The following ANKRD27 variants were observed in gnomAD, a reference collection of about 807,000 sequenced individuals.
ANKRD27 encodes the protein ankyrin repeat domain 27, also known as ankyrin repeat domain-containing protein 27.
Under a neutral mutation model 129.7 loss-of-function variants are expected in ANKRD27, and 112 were observed. That is an observed-to-expected ratio of 0.86 (90% CI 0.74 to 1.01). The LOEUF (loss-of-function observed/expected upper bound fraction) is 1.01. Among genes scored for constraint, ANKRD27 ranks in the 50% least tolerant of loss-of-function variants. The pLI, the probability that ANKRD27 is intolerant of heterozygous loss-of-function variation, is 0.00. For synonymous variants in ANKRD27, 516 were observed against 511.2 expected, an observed-to-expected ratio of 1.01 and a Z score of -0.13; for missense variants, 1,258 against 1,300.5, an observed-to-expected ratio of 0.97 and a Z score of 0.50.
chr19:32,646,636 A>G, intron 3 of ANKRD27, 21 bp from the exon 4 acceptor site: 1 of 1,608,804 alleles, frequency 6.2e-7, no homozygotes, highest in South Asian at 1.1e-5. Context: ...GAAAGCCATC[A>G]CTGCACCAGC....
chr19:32,611,307 G>C (rs1232373058), intron 22 of ANKRD27, among the ~76,000 whole-genome samples: 1 of 152,160 alleles, frequency 6.6e-6, no homozygotes, highest in African/African-American at 2.4e-5. Context: ...CCAGATGCTA[G>C]GGAACACCAT....
At position 32,641,995 on chromosome 19, in the gene ANKRD27, C is replaced by T. The variant is rs1460820125; in HGVS notation, c.904+29G>A. The T allele has an allele frequency of 3.2e-6, 5 of 1,542,908 alleles. No homozygotes were observed. In the South Asian group the frequency reaches 6.1e-5, roughly 19 times the overall value. On this transcript the variant is annotated intron_variant, in intron 10 of 28. Transcript: ENST00000306065. ...TTTCATCTGGATGTAGCATCTACCC[C>T]TTGGCCAGTCCCCTTTCCAAGCACA...
At chr19:32,606,255 T>G (rs979557108) in intron 23 of ANKRD27, among the ~76,000 whole-genome samples, 10 of 151,186 alleles carry the variant, frequency 6.6e-5, no homozygotes, top group Non-Finnish European at 1.3e-4. Context: ...CAGGTTCAAC[T>G]GATTCTCACG....
chr19:32,604,466 C>A, intron 24 of ANKRD27, 42 bp from the exon 25 acceptor site: 1 of 1,551,206 alleles, frequency 6.4e-7, no homozygotes, highest in Non-Finnish European at 8.8e-7. Context: ...CGCTACGAAA[C>A]GTCAGCATGG....
In ANKRD27 at chr19:32,626,752, G is replaced by A. The variant is rs201471927; in HGVS notation, c.1496C>T (p.Pro499Leu). 162 of 1,612,304 alleles carry A rather than the reference G, an allele frequency of 1.0e-4. No homozygotes were observed. The highest frequency in any genetic ancestry group is 1.2e-4 in the Admixed American group (7 of 59,764). The change falls in exon 16 of 29, where the codon CCG becomes CTG. Residue 499 changes from proline to leucine, a missense_variant. Physicochemically the swap from Pro to Leu is moderately conservative, Grantham distance 98 (BLOSUM62 -3). Coordinates refer to ENST00000306065, the MANE Select transcript of ANKRD27 (RefSeq NM_032139.3). ...VNATDYHGAT[P>L]LHLACQKGYQ... is the part of the protein sequence containing the mutation. ...GCCCTTCTGACAGGCCAGGTGGAGCGGAGTGGCTCCATGGTAGTCTGTGGC... is the reference window on the plus strand; with the variant it reads ...GCCCTTCTGACAGGCCAGGTGGAGCAGAGTGGCTCCATGGTAGTCTGTGGC...
chr19:32,653,890 T>C (rs1366036273), intron 2 of ANKRD27, among the ~76,000 whole-genome samples: 1 of 151,942 alleles, frequency 6.6e-6, no homozygotes. Flanking sequence ...GGGAGACACA[T>C]GGTTTTTTTT....
intron 9 of ANKRD27, 52 bp from the exon 10 acceptor site, chr19:32,642,197 C>G: frequency 6.7e-7 from 1 of 1,500,476 alleles, no homozygotes; most frequent in Non-Finnish European, 9.0e-7. Context: ...AGAGAACCCT[C>G]TGGCCTGGAT....
chr19:32,650,020 C>T (rs951482937), intron 2 of ANKRD27, among the ~76,000 whole-genome samples: 3 of 152,146 alleles, frequency 2.0e-5, no homozygotes, highest in African/African-American at 7.2e-5. Flanking sequence ...CACCCCACCA[C>T]AGGCAGAGGG....
intron 1 of ANKRD27, among the ~76,000 whole-genome samples, chr19:32,671,288 C>CA (rs71336943): frequency 0.54 from 79,760 of 147,558 alleles, 22,339 homozygotes; most frequent in Non-Finnish European, 0.65. Context: ...ACCCTGTCTC[C>CA]AAAAAAAAAA....
At chr19:32,610,287 C>A (rs530185629) in intron 22 of ANKRD27, among the ~76,000 whole-genome samples, 2 of 150,660 alleles carry the variant, frequency 1.3e-5, no homozygotes, top group Non-Finnish European at 3.0e-5. Flanking sequence ...TCCAGCCTGG[C>A]GACAGAGCAA....
intron 1 of ANKRD27, 92 bp from the exon 2 acceptor site, chr19:32,659,137 T>C (rs1568419203): frequency 1.4e-5 from 5 of 345,462 alleles, no homozygotes; most frequent in East Asian, 1.0e-4. Flanking sequence ...CATTTTCTTT[T>C]TCTTTTTTTT....
At chr19:32,673,910 G>A (rs1035696054) in intron 1 of ANKRD27, among the ~76,000 whole-genome samples, 1 of 151,348 alleles carries the variant, frequency 6.6e-6, no homozygotes, top group Admixed American at 6.6e-5. Context: ...ACCTTGGGAG[G>A]CCAAGACGAG....
chr19:32,620,717 C>A (rs931569945), intron 18 of ANKRD27, among the ~76,000 whole-genome samples: 1 of 151,760 alleles, frequency 6.6e-6, no homozygotes, highest in East Asian at 1.9e-4. Flanking sequence ...TGAAACTCCA[C>A]CTGTATAAAA....
intron 23 of ANKRD27, among the ~76,000 whole-genome samples, chr19:32,606,514 G>C (rs1329126906): frequency 6.6e-6 from 1 of 152,222 alleles, no homozygotes; most frequent in East Asian, 1.9e-4. Context: ...GGTGAAGAGG[G>C]GAGGGCTACC....
intron 2 of ANKRD27, among the ~76,000 whole-genome samples, chr19:32,655,848 T>C (rs998024217): frequency 9.2e-5 from 14 of 151,678 alleles, no homozygotes; most frequent in African/African-American, 3.4e-4. Flanking sequence ...TGAAACCCCA[T>C]CTCTACTAAA....
intron 2 of ANKRD27, among the ~76,000 whole-genome samples, chr19:32,650,391 A>C (rs967242219): frequency 3.9e-5 from 6 of 152,128 alleles, no homozygotes; most frequent in Non-Finnish European, 8.8e-5. Context: ...GGCTCTACTA[A>C]AAATACAAAA....
At chr19:32,662,212 T>C (rs890180233) in intron 1 of ANKRD27, among the ~76,000 whole-genome samples, 3 of 143,256 alleles carry the variant, frequency 2.1e-5, no homozygotes, top group African/African-American at 7.9e-5. Context: ...CCTGGGAGGC[T>C]GAGGCAAAGA....
chr19:32,673,154 A>T, intron 1 of ANKRD27: 1 of 279,020 alleles, frequency 3.6e-6, no homozygotes, highest in Non-Finnish European at 5.4e-6. Flanking sequence ...GGCCCTCTGC[A>T]GACACCTCTG....
intron 10 of ANKRD27, among the ~76,000 whole-genome samples, chr19:32,641,194 C>T (rs1967194036): frequency 1.3e-5 from 2 of 151,460 alleles, no homozygotes; most frequent in African/African-American, 4.9e-5. Flanking sequence ...AGCCACCGCG[C>T]CCAGCCGACC....
Sources: gnomAD v4.1 joint callset for allele counts (sites outside exome capture counted in the v4.1 genomes callset) on GRCh38, gnomAD v4.1.1 for gene constraint, MANE v1.5 for transcripts, NCBI Gene and HGNC (gene_info 2026-07-23, HGNC 2026-07-21) for gene names.